The following CCDC13 variants were observed in gnomAD, a reference collection of about 807,000 sequenced individuals.
CCDC13 encodes the protein coiled-coil domain-containing protein 13.
A neutral mutation model predicts 87.3 loss-of-function variants in CCDC13; 70 were observed. The observed-to-expected ratio is 0.80, with a 90% CI of 0.66 to 0.98. The LOEUF (loss-of-function observed/expected upper bound fraction) is 0.98. Among genes scored for constraint, CCDC13 ranks in the 50% least tolerant of loss-of-function variants. The probability of loss-of-function intolerance (pLI) is 0.00; values close to 1 mark genes in which losing one functional copy is unlikely to be tolerated. For synonymous variants in CCDC13, 317 were observed against 360.3 expected (o/e 0.88, Z 1.36); for missense variants, 842 against 892.0 (o/e 0.94, Z 0.71).
intron 1 of CCDC13, among the ~76,000 whole-genome samples, chr3:42,761,792 T>C (rs376622791): frequency 6.6e-6 from 1 of 152,164 alleles, no homozygotes; most frequent in African/African-American, 2.4e-5. Context: ...TGCTAACTTC[T>C]AGCTAGTTGT....
chr3:42,722,189 C>T (rs183744146), intron 13 of CCDC13, among the ~76,000 whole-genome samples: 1 of 152,304 alleles, frequency 6.6e-6, no homozygotes, highest in East Asian at 1.9e-4. Context: ...GAATGGCCCT[C>T]ACCATACTGA....
At position 42,757,160 on chromosome 3, in the gene CCDC13, G is replaced by A. The variant is rs151306549; in HGVS notation, c.276C>T (p.Asp92=). The A allele has an allele frequency of 2.2e-5, 35 of 1,613,962 alleles. No individual in the cohort carries two copies. Among genetic ancestry groups the A allele is most frequent in the Middle Eastern group, 1.6e-4 (1 of 6,082 alleles). ...GCAGCTTATACAATCGCCCGTTCTC[G>A]TCCACCGTTTCCCTGAGCTCATTTC... The part of the protein sequence containing the change: ...HLRNELRETV[D]ENGRLYKLLK... The change falls in exon 3 of 16, where the codon GAC becomes GAT. Residue 92 remains aspartate, a synonymous_variant. Coordinates refer to ENST00000310232, the MANE Select transcript of CCDC13 (RefSeq NM_144719.4).
intron 13 of CCDC13, among the ~76,000 whole-genome samples, chr3:42,722,820 C>T (rs1274085016): frequency 6.5e-5 from 8 of 122,752 alleles, no homozygotes; most frequent in Non-Finnish European, 1.1e-4. Context: ...TTTTTGGAGA[C>T]GAGTCTCGCT....
chr3:42,721,096 G>A (rs1169862677), intron 13 of CCDC13, among the ~76,000 whole-genome samples: 1 of 152,148 alleles, frequency 6.6e-6, no homozygotes, highest in Non-Finnish European at 1.5e-5. Context: ...GTATAAATGT[G>A]TTACTGGTAT....
chr3:42,733,578 G>A lies in CCDC13; in HGVS notation c.1403C>T (p.Ser468Phe). 1 of 1,612,728 alleles carries A rather than the reference G, an allele frequency of 6.2e-7. No individual in the cohort carries two copies. Among genetic ancestry groups the A allele is most frequent in the Non-Finnish European group, 8.5e-7 (1 of 1,179,296 alleles). Residue 468 changes from serine to phenylalanine, a missense_variant, in exon 11 of 16, where the codon TCC (serine) becomes TTC (phenylalanine). By Grantham distance (155) the Ser-to-Phe change is radical. Transcript: ENST00000310232. The part of the protein sequence containing the change: ...YLRNKGVGEG[S>F]SGREVSPAYT... Reference sequence around the variant, plus strand: ...GGCAGGGCTGACCTCGCGGCCACTGGACCCCTCACCCACTCCTTTATTCCG... The same window carrying A: ...GGCAGGGCTGACCTCGCGGCCACTGAACCCCTCACCCACTCCTTTATTCCG...
chr3:42,762,256 G>A (rs751610618), intron 1 of CCDC13, among the ~76,000 whole-genome samples: 1 of 152,244 alleles, frequency 6.6e-6, no homozygotes, highest in Admixed American at 6.5e-5. Context: ...GCTCTGCCCA[G>A]TAAGAGGAAC....
intron 1 of CCDC13, among the ~76,000 whole-genome samples, chr3:42,759,672 C>T (rs1003538975): frequency 6.6e-6 from 1 of 152,040 alleles, no homozygotes; most frequent in African/African-American, 2.4e-5. Flanking sequence ...TTTAAATAAA[C>T]AAGAATTTGA....
chr3:42,717,749 G>C (rs1698466328), intron 13 of CCDC13, among the ~76,000 whole-genome samples: 1 of 152,240 alleles, frequency 6.6e-6, no homozygotes, highest in East Asian at 1.9e-4. Flanking sequence ...CATGGCTGAA[G>C]TCAAGGTGTC....
At chr3:42,735,667 G>A in intron 10 of CCDC13, 40 bp downstream of exon 10, 1 of 1,595,420 alleles carries the variant, frequency 6.3e-7, no homozygotes, top group Non-Finnish European at 8.6e-7. Flanking sequence ...GACTTGCCCG[G>A]CTTGAAAATG....
At chr3:42,712,463 G>C (rs1236866317) in intron 14 of CCDC13, among the ~76,000 whole-genome samples, 4 of 152,190 alleles carry the variant, frequency 2.6e-5, no homozygotes, top group African/African-American at 9.7e-5. Flanking sequence ...CACTGTGTTC[G>C]AGCGATAGAC....
intron 1 of CCDC13, among the ~76,000 whole-genome samples, chr3:42,762,497 C>T (rs116251323): frequency 8.9e-4 from 135 of 152,290 alleles, no homozygotes; most frequent in African/African-American, 3.1e-3. Context: ...GATCGAGTGA[C>T]TAAGGTCAAC....
intron 1 of CCDC13, among the ~76,000 whole-genome samples, chr3:42,764,784 T>C (rs921232584): frequency 1.1e-4 from 16 of 152,120 alleles, no homozygotes; most frequent in Non-Finnish European, 1.9e-4. Flanking sequence ...AGGATTCCCC[T>C]CAGGGCACTC....
chr3:42,746,933 G>A (rs1699414176), intron 6 of CCDC13: 1 of 452,084 alleles, frequency 2.2e-6, no homozygotes, highest in Non-Finnish European at 4.1e-6. Flanking sequence ...TGGGGCACAA[G>A]TAGTGCAGGG....
At chr3:42,749,358 G>C (rs979450002) in intron 5 of CCDC13, among the ~76,000 whole-genome samples, 1 of 152,228 alleles carries the variant, frequency 6.6e-6, no homozygotes, top group Non-Finnish European at 1.5e-5. Context: ...TCAGAGCATG[G>C]AAAAAGCATA....
At position 42,735,796 on chromosome 3, in the gene CCDC13, T is replaced by G. The variant is rs761082722; in HGVS notation, c.1282A>C (p.Ser428Arg). The G allele has an allele frequency of 6.2e-7, 1 of 1,614,234 alleles. No homozygotes were observed. ...ATGGCCTGCAGCTGGGCGACTAGGCTGTTGCTCCGCTGAGCCTCGCTGTTC... is the reference window on the plus strand; with the variant it reads ...ATGGCCTGCAGCTGGGCGACTAGGCGGTTGCTCCGCTGAGCCTCGCTGTTC... ...QLNSEAQRSN[S>R]LVAQLQAMVA... The change falls in exon 10 of 16, where the codon AGC becomes CGC. Residue 428 changes from serine to arginine, a missense_variant. By Grantham distance (110) the Ser-to-Arg change is moderately radical. Transcript: ENST00000310232.
chr3:42,746,128 T>C, intron 6 of CCDC13, 101 bp from the exon 7 acceptor site: 1 of 859,200 alleles, frequency 1.2e-6, no homozygotes, highest in Non-Finnish European at 1.9e-6. Context: ...AGTCTTCACC[T>C]ACACGATCTT....
At chr3:42,744,894 C>G (rs560493603) in intron 7 of CCDC13, 3 of 151,270 alleles carry the variant, frequency 2.0e-5, no homozygotes, top group East Asian at 3.9e-4. Context: ...TGGTCAGGCA[C>G]TGTCCTAGGT....
intron 7 of CCDC13, chr3:42,745,485 T>C (rs1699367057): frequency 6.4e-6 from 1 of 155,836 alleles, no homozygotes; most frequent in Admixed American, 6.3e-5. Context: ...CTGCTTTTGG[T>C]ATGCTCCAAA....
intron 4 of CCDC13, 64 bp downstream of exon 4, chr3:42,752,511 G>C: frequency 6.3e-7 from 1 of 1,598,846 alleles, no homozygotes; most frequent in South Asian, 1.1e-5. Context: ...GGAGAAGCTA[G>C]GGAGGTTCCC....
Sources: allele counts gnomAD v4.1 joint callset (sites outside exome capture counted in the v4.1 genomes callset), GRCh38; gene constraint gnomAD v4.1.1; transcripts MANE v1.5; gene names NCBI Gene and HGNC (gene_info 2026-07-23, HGNC 2026-07-21).